OXSR1: variants seen among roughly 807,000 people sequenced by gnomAD.
OXSR1 encodes serine/threonine-protein kinase OSR1.
Under a neutral mutation model 79.8 loss-of-function variants are expected in OXSR1, and 24 were observed. The observed-to-expected ratio is 0.30, with a 90% confidence interval of 0.22 to 0.42. The LOEUF is 0.42. Among genes scored for constraint, OXSR1 ranks in the 10% least tolerant of loss-of-function variants. The probability of loss-of-function intolerance (pLI) is 1.00; values close to 1 mark genes in which losing one functional copy is unlikely to be tolerated. For synonymous variants in OXSR1, 226 were observed against 209.2 expected, an observed-to-expected ratio of 1.08 and a Z score of -0.69; for missense variants, 430 against 618.4, an observed-to-expected ratio of 0.70 and a Z score of 3.23.
chr3:38,187,432 A>C (rs1701905728), intron 2 of OXSR1, among the ~76,000 whole-genome samples: 2 of 152,220 alleles, frequency 1.3e-5, no homozygotes, highest in Non-Finnish European at 2.9e-5. Context: ...TAGTAGAATG[A>C]GCACTCAGTT....
intron 3 of OXSR1, chr3:38,193,250 C>G: frequency 9.3e-6 from 12 of 1,288,156 alleles, no homozygotes; most frequent in Non-Finnish European, 1.2e-5. Flanking sequence ...TTCAGTGTAG[C>G]CAGAATCACC....
chr3:38,178,242 T>A (rs576230857), intron 1 of OXSR1, among the ~76,000 whole-genome samples: 3 of 152,138 alleles, frequency 2.0e-5, no homozygotes, highest in Non-Finnish European at 4.4e-5. Context: ...TGAGCCACTG[T>A]GCCCAGCCCC....
intron 1 of OXSR1, among the ~76,000 whole-genome samples, chr3:38,178,620 ATT>A (rs71085303): frequency 0.072 from 6,836 of 94,588 alleles, 139 homozygotes; most frequent in African/African-American, 0.092. Flanking sequence ...ATATATATAT[ATT>A]TTTTTTTTTT....
At chr3:38,203,824 G>A (rs913698747) in intron 4 of OXSR1, among the ~76,000 whole-genome samples, 1 of 152,210 alleles carries the variant, frequency 6.6e-6, no homozygotes. Context: ...AGGGCCCATG[G>A]TAACCACTAC....
At chr3:38,248,828 C>CT (rs1251388550) in intron 14 of OXSR1, among the ~76,000 whole-genome samples, 1 of 152,132 alleles carries the variant, frequency 6.6e-6, no homozygotes, top group Non-Finnish European at 1.5e-5. Context: ...AAGAATAACA[C>CT]TTTAAGAAAA....
intron 16 of OXSR1, among the ~76,000 whole-genome samples, 196 bp from the exon 17 acceptor site, chr3:38,252,132 G>T (rs1010362246): frequency 6.6e-5 from 10 of 152,182 alleles, no homozygotes; most frequent in African/African-American, 2.4e-4. Context: ...AAGTTAATTT[G>T]ACAGTGGTTC....
At chr3:38,225,870 A>G (rs1024938533) in intron 8 of OXSR1, among the ~76,000 whole-genome samples, 1 of 152,146 alleles carries the variant, frequency 6.6e-6, no homozygotes, top group South Asian at 2.1e-4. Context: ...GGGTCCACCC[A>G]GTGGGGAGTT....
intron 3 of OXSR1, among the ~76,000 whole-genome samples, chr3:38,194,740 G>A (rs760491172): frequency 2.0e-5 from 3 of 151,990 alleles, no homozygotes; most frequent in Non-Finnish European, 4.4e-5. Context: ...AGGACTATTG[G>A]TAGAGGCTTA....
intron 3 of OXSR1, among the ~76,000 whole-genome samples, chr3:38,195,200 A>C (rs1048437495): frequency 1.2e-4 from 19 of 152,230 alleles, no homozygotes; most frequent in African/African-American, 4.6e-4. Context: ...AAAGTAATTA[A>C]GAAAACTTCT....
chr3:38,226,546 A>G (rs1019242516), intron 8 of OXSR1, among the ~76,000 whole-genome samples: 9 of 152,068 alleles, frequency 5.9e-5, no homozygotes, highest in African/African-American at 1.7e-4. Context: ...CCTCTACCCA[A>G]TGACCAAGGT....
chr3:38,226,320 T>TA (rs1033704320), intron 8 of OXSR1, among the ~76,000 whole-genome samples: 2 of 152,080 alleles, frequency 1.3e-5, no homozygotes, highest in African/African-American at 2.4e-5. Flanking sequence ...TCTGAAAAGA[T>TA]ACAAAATTAA....
chr3:38,183,818 T>C (rs553384721), intron 2 of OXSR1, among the ~76,000 whole-genome samples: 4 of 152,312 alleles, frequency 2.6e-5, no homozygotes, highest in South Asian at 4.1e-4. Context: ...TTTTTAGGCA[T>C]TGTGCTACCC....
chr3:38,195,507 A>G (rs1575325402), intron 3 of OXSR1, among the ~76,000 whole-genome samples: 2 of 152,182 alleles, frequency 1.3e-5, no homozygotes, highest in Non-Finnish European at 2.9e-5. Context: ...CCTCTTTGAA[A>G]CCTTCTGAGG....
At chr3:38,221,288 T>C (rs1160855176) in intron 5 of OXSR1, among the ~76,000 whole-genome samples, 2 of 151,680 alleles carry the variant, frequency 1.3e-5, no homozygotes, top group East Asian at 1.9e-4. Context: ...GTCTTTTTTG[T>C]TTTTTTTGTT....
chr3:38,193,337 G>A (rs766393979), intron 3 of OXSR1: 2 of 1,289,416 alleles, frequency 1.6e-6, no homozygotes, highest in Admixed American at 2.3e-5. Flanking sequence ...TATGATGGTT[G>A]GAAGCTTTGC....
In OXSR1 at chr3:38,254,091, G is replaced by A. The variant is rs565151660; in HGVS notation, c.*1200G>A. 4.5e-4 allele frequency: 181 copies of A among 398,034 alleles called. No homozygotes were observed. The highest frequency in any genetic ancestry group is 3.3e-3 in the African/African-American group (161 of 48,642). The allele number at this position is 398,034 out of a possible 1,614,324, so 24.7% of individuals were successfully genotyped here. On this transcript the variant is annotated 3_prime_UTR_variant, in exon 18 of 18. Coordinates refer to ENST00000311806, the MANE Select transcript of OXSR1 (RefSeq NM_005109.3). ...AGGTTGATTTTTCTTTTTTCCTACC[G>A]TTTCATAGTCTTTGTCTAACTGCTA...
Position 38,253,867 on chromosome 3 carries a change from G to T in OXSR1, c.*976G>T. The T allele has an allele frequency of 3.9e-6, 1 of 259,412 alleles. No homozygotes were observed. The allele number at this position is 259,412 out of a possible 1,614,324, so 16.1% of individuals were successfully genotyped here. Reference sequence around the variant, plus strand: ...ACTGGGCCAGAGAGGCCTGCCTTCTGCCTGCTCTCCTGCACTGACCCTTTG... The same window carrying T: ...ACTGGGCCAGAGAGGCCTGCCTTCTTCCTGCTCTCCTGCACTGACCCTTTG... On this transcript the variant is annotated 3_prime_UTR_variant, in exon 18 of 18. Transcript: ENST00000311806.
In OXSR1 at chr3:38,208,991, CGCGCGT is replaced by C. The variant is rs1463690370; in HGVS notation, c.435-7099_435-7094del. On this transcript the variant is annotated intron_variant, in intron 4 of 17. Transcript: ENST00000311806. ...GTGTGTGTGTGTGTGTGTGTGCGCGCGCGCGTGCGCGCATGTGCATGTTTGGTGGGG... is the reference window on the plus strand; with the variant it reads ...GTGTGTGTGTGTGTGTGTGTGCGCGCGCGCGCATGTGCATGTTTGGTGGGG... Among the ~76,000 whole-genome samples, 16 of 150,614 alleles carry C rather than the reference CGCGCGT, an allele frequency of 1.1e-4. 1 individual carries two copies. In the South Asian group the frequency reaches 1.5e-3, roughly 14 times the overall value.
At chr3:38,198,500 A>G (rs1702105927) in intron 3 of OXSR1, among the ~76,000 whole-genome samples, 1 of 152,236 alleles carries the variant, frequency 6.6e-6, no homozygotes, top group Non-Finnish European at 1.5e-5. Context: ...AGATGCTGGC[A>G]TAACATACTA....
Sources: allele counts gnomAD v4.1 joint callset (sites outside exome capture counted in the v4.1 genomes callset), GRCh38; gene constraint gnomAD v4.1.1; transcripts MANE v1.5; gene names NCBI Gene and HGNC (gene_info 2026-07-23, HGNC 2026-07-21).